Variants in ZDHHC15 observed in about 807,000 individuals in gnomAD.
ZDHHC15 encodes palmitoyltransferase ZDHHC15.
In ZDHHC15, 19 loss-of-function variants were observed where a neutral mutation model predicts 31.7. That is an observed-to-expected ratio of 0.60 (90% CI 0.42 to 0.88). The LOEUF is 0.88. Ranked by LOEUF, ZDHHC15 falls within the 40% of genes least tolerant of loss-of-function variation. ZDHHC15 has a pLI of 0.00. For synonymous variants in ZDHHC15, 103 were observed against 90.0 expected, an observed-to-expected ratio of 1.14 and a Z score of -0.82; for missense variants, 209 against 251.2, an observed-to-expected ratio of 0.83 and a Z score of 1.14.
At chrX:75,494,538 C>T (rs1168934004) in intron 2 of ZDHHC15, among the ~76,000 whole-genome samples, 3 of 111,959 alleles carry the variant, frequency 2.7e-5, no homozygotes, top group Admixed American at 9.5e-5. Context: ...AACTATACTA[C>T]AAGGCTACAG....
intron 3 of ZDHHC15, 62 bp downstream of exon 3, chrX:75,478,829 G>T: frequency 1.1e-6 from 1 of 889,698 alleles, no homozygotes. Flanking sequence ...TCCTCTTCTT[G>T]CTTTATTGTC....
intron 3 of ZDHHC15, among the ~76,000 whole-genome samples, chrX:75,472,500 G>A (rs1245259429): frequency 8.9e-6 from 1 of 112,305 alleles, no homozygotes; most frequent in Non-Finnish European, 1.9e-5. Context: ...GGATTTGGAA[G>A]AAGCATGATT....
At chrX:75,430,960 T>A (rs1454691897) in intron 5 of ZDHHC15, among the ~76,000 whole-genome samples, 1 of 111,534 alleles carries the variant, frequency 9.0e-6, no homozygotes, top group African/African-American at 3.3e-5. Flanking sequence ...TCTGGGATAC[T>A]GCCACAGCTA....
intron 11 of ZDHHC15, among the ~76,000 whole-genome samples, chrX:75,373,181 G>GA (rs1328213279): frequency 4.5e-5 from 5 of 111,774 alleles, no homozygotes; most frequent in Non-Finnish European, 7.5e-5. Flanking sequence ...CTGAACTATT[G>GA]AAAGTGGTGG....
Position 75,402,667 on chromosome X carries a change from C to T in ZDHHC15, c.967+14420G>A, listed in dbSNP as rs926006198. On this transcript the variant is annotated intron_variant, in intron 10 of 11. Coordinates refer to ENST00000373367, the MANE Select transcript of ZDHHC15 (RefSeq NM_144969.3). ...AGATAAATTCCTAGACACATATACC[C>T]TCCTAAGGCTGAACAAAGAAGAAAT... Among the ~76,000 whole-genome samples the T allele has an allele frequency of 2.7e-5, 3 of 110,977 alleles. No homozygotes were observed. The South Asian group carries it at 1.2e-3, about 43-fold the overall frequency.
intron 3 of ZDHHC15, among the ~76,000 whole-genome samples, chrX:75,458,522 T>C (rs1236077220): frequency 8.9e-6 from 1 of 111,745 alleles, no homozygotes; most frequent in African/African-American, 3.2e-5. Flanking sequence ...TTTAAATATA[T>C]CTAACTTAAA....
At chrX:75,477,321 A>G (rs1277837408) in intron 3 of ZDHHC15, among the ~76,000 whole-genome samples, 1 of 111,487 alleles carries the variant, frequency 9.0e-6, no homozygotes, top group African/African-American at 3.3e-5. Context: ...TTAGGAAGAA[A>G]GTACATTTTA....
chrX:75,388,622 G>T (rs767732345), intron 10 of ZDHHC15, among the ~76,000 whole-genome samples: 1 of 111,660 alleles, frequency 9.0e-6, no homozygotes, highest in Non-Finnish European at 1.9e-5. Context: ...AAAACTTAAT[G>T]CCAGAGAAAA....
intron 10 of ZDHHC15, among the ~76,000 whole-genome samples, chrX:75,415,286 A>AC: frequency 9.0e-6 from 1 of 111,701 alleles, no homozygotes; most frequent in Non-Finnish European, 1.9e-5. Flanking sequence ...CATAGAATCA[A>AC]CCTAACAAAT....
intron 10 of ZDHHC15, among the ~76,000 whole-genome samples, chrX:75,413,915 C>T (rs2083514835): frequency 9.1e-6 from 1 of 109,843 alleles, no homozygotes; most frequent in Non-Finnish European, 1.9e-5. Context: ...GACAATCATA[C>T]CCAACTTATT....
rs1412656073 is a variant in ZDHHC15 at position 75,370,956 on chromosome X, CTT to C, written c.*2020_*2021del. ...AGTTAACTGACACTATATTTTGTGA[CTT>C]GACTTCTGTGGGAGCTGAGTGCTGA... On this transcript the variant is annotated 3_prime_UTR_variant, in exon 12 of 12. Transcript: ENST00000373367. 1 of 111,830 alleles carries C rather than the reference CTT, an allele frequency of 8.9e-6. No individual in the cohort carries two copies. Among genetic ancestry groups the C allele is most frequent in the Admixed American group, 9.5e-5 (1 of 10,480 alleles). The allele number at this position is 111,830 out of a possible 1,213,427, so 9.2% of individuals were successfully genotyped here.
intron 8 of ZDHHC15, among the ~76,000 whole-genome samples, chrX:75,422,942 C>T (rs972318284): frequency 7.6e-5 from 7 of 92,251 alleles, no homozygotes; most frequent in Non-Finnish European, 1.1e-4. Context: ...TCTCCCAATG[C>T]TATCCCTCCC....
chrX:75,425,315 G>T (rs1027940600), intron 7 of ZDHHC15, among the ~76,000 whole-genome samples: 1 of 111,590 alleles, frequency 9.0e-6, no homozygotes, highest in Non-Finnish European at 1.9e-5. Context: ...TGTAGATTTT[G>T]TGTGGTTGTT....
intron 10 of ZDHHC15, among the ~76,000 whole-genome samples, chrX:75,399,874 A>C (rs2083337348): frequency 9.0e-6 from 1 of 111,564 alleles, no homozygotes; most frequent in Non-Finnish European, 1.9e-5. Context: ...TTCATCACTA[A>C]AATAACCCCC....
At chrX:75,391,344 T>A (rs1463233003) in intron 10 of ZDHHC15, among the ~76,000 whole-genome samples, 2 of 111,693 alleles carry the variant, frequency 1.8e-5, no homozygotes, top group Admixed American at 1.9e-4. Flanking sequence ...ACCTAGAGAA[T>A]GACATTAATA....
chrX:75,402,564 C>A (rs1176408841), intron 10 of ZDHHC15, among the ~76,000 whole-genome samples: 2 of 111,286 alleles, frequency 1.8e-5, no homozygotes, highest in African/African-American at 6.5e-5. Context: ...GAGAATGTTA[C>A]TACTGTCCCC....
chrX:75,489,416 C>G (rs2084833928), intron 2 of ZDHHC15, among the ~76,000 whole-genome samples: 2 of 111,731 alleles, frequency 1.8e-5, no homozygotes, highest in South Asian at 7.6e-4. Context: ...GATCAGGCAG[C>G]AACATTTGCT....
intron 1 of ZDHHC15, among the ~76,000 whole-genome samples, chrX:75,516,279 A>T (rs1484088511): frequency 1.2e-4 from 14 of 112,199 alleles, no homozygotes; most frequent in Non-Finnish European, 2.3e-4. Context: ...CATTGCCAAG[A>T]CAATCCTAAG....
rs1415766426 is a variant in ZDHHC15, at chrX:75,369,728, A to T, written c.*3250T>A. 1 of 111,936 alleles carries T rather than the reference A, an allele frequency of 8.9e-6. No individual in the cohort carries two copies. Among genetic ancestry groups the T allele is most frequent in the Non-Finnish European group, 1.9e-5 (1 of 53,231 alleles). 9.2% of individuals were successfully genotyped at this position (111,936 alleles called of 1,213,427 possible). A position where few individuals can be genotyped will look rare whatever the true frequency, so the allele number is the denominator to read the frequency against. On this transcript the variant is annotated 3_prime_UTR_variant, in exon 12 of 12. Coordinates refer to ENST00000373367, the MANE Select transcript of ZDHHC15 (RefSeq NM_144969.3). ...ATTGCATTCTTATCACATAGAAAGT[A>T]AGAGTTGTACAAATTGCATACTTTT...
Sources: allele counts gnomAD v4.1 joint callset (sites outside exome capture counted in the v4.1 genomes callset), GRCh38; gene constraint gnomAD v4.1.1; transcripts MANE v1.5; gene names NCBI Gene and HGNC (gene_info 2026-07-23, HGNC 2026-07-21).